Variants in WDR19 observed in about 807,000 individuals in gnomAD.
The protein encoded by WDR19 is WD repeat-containing protein 19.
WDR19 carries 121 observed loss-of-function variants against 180.0 expected under a neutral mutation model. The observed-to-expected ratio is 0.67, with a 90% CI of 0.58 to 0.78. The LOEUF is 0.78. WDR19 is among the 30% of genes least tolerant of loss of function. WDR19 has a pLI of 0.00. For missense variants in WDR19, 1,450 were observed against 1,640.7 expected (o/e 0.88, Z 2.01); for synonymous variants, 497 against 540.7 (o/e 0.92, Z 1.12).
chr4:39,225,388 C>T (rs928261586), intron 15 of WDR19, among the ~76,000 whole-genome samples: 6 of 152,132 alleles, frequency 3.9e-5, no homozygotes, highest in African/African-American at 1.4e-4. Flanking sequence ...CTTATCTGTG[C>T]CTTCTGCCCA....
At chr4:39,223,325 A>AT (rs1357597410) in intron 14 of WDR19, among the ~76,000 whole-genome samples, 4 of 152,070 alleles carry the variant, frequency 2.6e-5, no homozygotes, top group African/African-American at 9.6e-5. Flanking sequence ...TTTGTTTTTC[A>AT]TTTTTTGTTT....
chr4:39,272,748 G>C (rs535949513), intron 31 of WDR19, among the ~76,000 whole-genome samples: 1 of 152,302 alleles, frequency 6.6e-6, no homozygotes, highest in Admixed American at 6.5e-5. Context: ...ATACCAAGTG[G>C]TCTAGGGCAA....
intron 25 of WDR19, 23 bp from the exon 26 acceptor site, chr4:39,253,883 C>T: frequency 1.3e-6 from 2 of 1,565,450 alleles, no homozygotes; most frequent in Non-Finnish European, 1.7e-6. Context: ...AAGAGTCTAG[C>T]TAATTAAAGT....
intron 31 of WDR19, among the ~76,000 whole-genome samples, chr4:39,270,727 G>T (rs1735279030): frequency 6.6e-6 from 1 of 152,078 alleles, no homozygotes; most frequent in African/African-American, 2.4e-5. Flanking sequence ...GCCTGTGCCA[G>T]AAAAATAGAT....
chr4:39,199,455 T>C, intron 5 of WDR19, 23 bp from the exon 6 acceptor site: 1 of 1,581,712 alleles, frequency 6.3e-7, no homozygotes, highest in African/African-American at 1.3e-5. Flanking sequence ...CACATGTCTG[T>C]ATAAAAATAA....
At position 39,253,893 on chromosome 4, in the gene WDR19, T is replaced by G. The variant is rs753800940; in HGVS notation, c.2877-13T>G. 1.3e-5 allele frequency: 20 copies of G among 1,587,246 alleles called. No individual in the cohort carries two copies. Among genetic ancestry groups the G allele is most frequent in the Non-Finnish European group, 1.5e-5 (18 of 1,166,560 alleles). On this transcript the variant is annotated splice_polypyrimidine_tract_variant and intron_variant, in intron 25 of 36. Transcript: ENST00000399820. ...ATATTAAGAGTCTAGCTAATTAAAG[T>G]ACTTTGCTTTAGGTTTTTTCTACAG...
chr4:39,198,571 A>T (rs1045220323), intron 5 of WDR19, among the ~76,000 whole-genome samples: 1 of 147,018 alleles, frequency 6.8e-6, no homozygotes, highest in Non-Finnish European at 1.5e-5. Flanking sequence ...AAAAAAAAAG[A>T]CATTAACTTT....
intron 7 of WDR19, 87 bp downstream of exon 7, chr4:39,203,809 T>C (rs1399394708): frequency 1.6e-6 from 2 of 1,248,644 alleles, no homozygotes; most frequent in African/African-American, 3.0e-5. Context: ...ACTAAAATAG[T>C]GATAAATAAA....
At chr4:39,219,627 A>C (rs529429127) in intron 14 of WDR19, among the ~76,000 whole-genome samples, 5 of 152,168 alleles carry the variant, frequency 3.3e-5, no homozygotes, top group Non-Finnish European at 7.4e-5. Flanking sequence ...TGCTTTAAGG[A>C]TTTAATTTGG....
intron 24 of WDR19, among the ~76,000 whole-genome samples, chr4:39,248,419 C>G (rs1159616659): frequency 6.6e-6 from 1 of 152,156 alleles, no homozygotes; most frequent in African/African-American, 2.4e-5. Flanking sequence ...TAAAGACCAT[C>G]AAGGCTAGGA....
At chr4:39,182,622 C>T in intron 1 of WDR19, 59 bp downstream of exon 1, 1 of 1,611,176 alleles carries the variant, frequency 6.2e-7, no homozygotes, top group Non-Finnish European at 8.5e-7. Context: ...GGCCCTTGGT[C>T]GCTTTTAAAA....
Position 39,253,150 on chromosome 4 carries a change from A to G in WDR19, c.2734A>G (p.Lys912Glu), listed in dbSNP as rs1351587544. Residue 912 changes from lysine (K) to glutamate (E), a missense_variant, in exon 25 of 37, where the codon AAA becomes GAA. Transcript: ENST00000399820. ...ATCTGAGCTATTTTTTTACAGATAC[A>G]AAGAAGCTGTTGTAGCTTATGAAAA... ...AKAKEADGRY[K>E]EAVVAYENAK... 1.9e-6 allele frequency: 3 copies of G among 1,582,062 alleles called. No homozygotes were observed. In the South Asian group the frequency reaches 3.6e-5, roughly 19 times the overall value.
At chr4:39,258,540 T>C (rs2109457328) in intron 28 of WDR19, among the ~76,000 whole-genome samples, 1 of 152,328 alleles carries the variant, frequency 6.6e-6, no homozygotes, top group African/African-American at 2.4e-5. Context: ...GTTAATGGAC[T>C]TTTGAGTTGT....
chr4:39,251,328 C>T (rs1733154162), intron 24 of WDR19, among the ~76,000 whole-genome samples: 1 of 152,126 alleles, frequency 6.6e-6, no homozygotes, highest in Non-Finnish European at 1.5e-5. Flanking sequence ...GAAACTGGAT[C>T]CCTTCCCCTT....
At position 39,277,031 on chromosome 4, in the gene WDR19, T is replaced by C. The variant is rs769789803; in HGVS notation, c.3728T>C (p.Ile1243Thr). 1.2e-6 allele frequency: 2 copies of C among 1,613,560 alleles called. No individual in the cohort carries two copies. The highest frequency in any genetic ancestry group is 1.7e-5 in the Admixed American group (1 of 59,938). Residue 1243 changes from isoleucine to threonine, a missense_variant, in exon 34 of 37, where the codon ATA becomes ACA. Coordinates refer to ENST00000399820, the MANE Select transcript of WDR19 (RefSeq NM_025132.4). ...ATTCTTCCTCACAGGAGACCCGATA[T>C]ATCTGAGATAGAAGAGGCCACGACT... is the stretch of plus-strand genomic sequence containing the variant. ...KIEGMVRRPD[I>T]SEIEEATTPC... is the part of the protein sequence containing the mutation.
At chr4:39,268,370 C>G (rs1047801558) in intron 30 of WDR19, among the ~76,000 whole-genome samples, 1 of 152,196 alleles carries the variant, frequency 6.6e-6, no homozygotes, top group African/African-American at 2.4e-5. Flanking sequence ...GATGTCTCCT[C>G]TCACCCCTCC....
chr4:39,230,888 C>G (rs1238115557), intron 17 of WDR19, among the ~76,000 whole-genome samples: 1 of 152,044 alleles, frequency 6.6e-6, no homozygotes, highest in Non-Finnish European at 1.5e-5. Flanking sequence ...TGTTTTAAAC[C>G]AGAGGTCGGA....
At chr4:39,281,246 G>GAGAA (rs1276253217) in intron 36 of WDR19, among the ~76,000 whole-genome samples, 1 of 139,370 alleles carries the variant, frequency 7.2e-6, no homozygotes, top group Non-Finnish European at 1.5e-5. Flanking sequence ...TAGAGAGAGA[G>GAGAA]AGAGAGAGAG....
At chr4:39,211,767 G>A (rs575465574) in intron 9 of WDR19, among the ~76,000 whole-genome samples, 1 of 152,224 alleles carries the variant, frequency 6.6e-6, no homozygotes, top group South Asian at 2.1e-4. Context: ...GATCAAATTA[G>A]ACCCAAATAA....
Sources: allele counts gnomAD v4.1 joint callset (sites outside exome capture counted in the v4.1 genomes callset), GRCh38; gene constraint gnomAD v4.1.1; transcripts MANE v1.5; gene names NCBI Gene and HGNC (gene_info 2026-07-23, HGNC 2026-07-21).